GALC: variants seen among roughly 807,000 people sequenced by gnomAD.
GALC encodes galactocerebrosidase.
In GALC, 77 loss-of-function variants were observed where a neutral mutation model predicts 91.8. The observed-to-expected ratio is 0.84, with a 90% confidence interval of 0.70 to 1.01. GALC has a LOEUF of 1.01. Ranked by LOEUF, GALC falls within the 50% of genes least tolerant of loss-of-function variation. The pLI, the probability that GALC is intolerant of heterozygous loss-of-function variation, is 0.00. For missense variants in GALC, 882 were observed against 855.9 expected (o/e 1.03, Z -0.38); for synonymous variants, 357 against 306.7 (o/e 1.16, Z -1.71).
At chr14:87,958,695 G>A (rs1400713791) in intron 10 of GALC, among the ~76,000 whole-genome samples, 1 of 152,016 alleles carries the variant, frequency 6.6e-6, no homozygotes, top group African/African-American at 2.4e-5. Context: ...ATAAATTCAT[G>A]CCCTATGACC....
intron 10 of GALC, among the ~76,000 whole-genome samples, chr14:87,962,200 C>T (rs450711): frequency 0.22 from 32,733 of 152,064 alleles, 4,528 homozygotes; most frequent in Non-Finnish European, 0.3. Context: ...CAACTATCGC[C>T]AGCTCTGACA....
Position 87,945,708 on chromosome 14 carries a change from T to C in GALC, c.1515A>G (p.Pro505=), listed in dbSNP as rs1298174692. 1 of 1,611,808 alleles carries C rather than the reference T, an allele frequency of 6.2e-7. No individual in the cohort carries two copies. The highest frequency in any genetic ancestry group is 8.5e-7 in the Non-Finnish European group (1 of 1,178,764). The stretch of plus-strand genomic sequence containing the variant: ...ATACACCAGTTTGATCAGCAAAGTT[T>C]GGAGCTTCACTAAAAAATGGGTAAT... The part of the protein sequence containing the change: ...NVDYPFFSEA[P]NFADQTGVFE... Residue 505 remains proline (P), a synonymous_variant, in exon 14 of 17, where the codon CCA becomes CCG. Coordinates refer to ENST00000261304, the MANE Select transcript of GALC (RefSeq NM_000153.4).
At chr14:87,978,209 G>T (rs1886586686) in intron 6 of GALC, among the ~76,000 whole-genome samples, 2 of 152,098 alleles carry the variant, frequency 1.3e-5, no homozygotes, top group South Asian at 4.1e-4. Context: ...GTGGCACCAT[G>T]CCTGGCTAAT....
intron 15 of GALC, 78 bp from the exon 16 acceptor site, chr14:87,940,059 T>TCGAG: frequency 2.6e-6 from 3 of 1,155,422 alleles, no homozygotes; most frequent in Non-Finnish European, 2.6e-6. Flanking sequence ...AGTGGGGTTC[T>TCGAG]TGAGTGGCAT....
intron 7 of GALC, among the ~76,000 whole-genome samples, chr14:87,974,415 A>G (rs979948850): frequency 8.5e-5 from 13 of 152,178 alleles, no homozygotes; most frequent in Non-Finnish European, 1.2e-4. Flanking sequence ...CAGTATTTAC[A>G]TACCAAATAA....
At chr14:87,986,954 T>G in intron 3 of GALC, 1 of 440,428 alleles carries the variant, frequency 2.3e-6, no homozygotes, top group South Asian at 1.7e-5. Flanking sequence ...ATGTCCAACT[T>G]TAAGTTCTGA....
At chr14:87,977,033 G>C (rs780766308) in intron 6 of GALC, among the ~76,000 whole-genome samples, 17 of 44,544 alleles carry the variant, frequency 3.8e-4, no homozygotes, top group South Asian at 2.2e-3. Context: ...ATAGAAATAT[G>C]GGGGGGGGGG....
intron 1 of GALC, among the ~76,000 whole-genome samples, chr14:87,991,036 G>C (rs1887176612): frequency 6.6e-6 from 1 of 152,132 alleles, no homozygotes; most frequent in Non-Finnish European, 1.5e-5. Context: ...CTACCATGCA[G>C]GTATAACTGT....
intron 9 of GALC, 50 bp from the exon 10 acceptor site, chr14:87,963,561 A>C (rs373749844): frequency 2.7e-5 from 40 of 1,508,090 alleles, no homozygotes; most frequent in Non-Finnish European, 3.7e-5. Context: ...TAATAATAGT[A>C]TTTCTTTTGG....
At chr14:87,971,337 AG>A (rs1886284712) in intron 7 of GALC, among the ~76,000 whole-genome samples, 1 of 152,230 alleles carries the variant, frequency 6.6e-6, no homozygotes, top group Non-Finnish European at 1.5e-5. Flanking sequence ...AGACCAACTC[AG>A]GAAGATGGGA....
In GALC at chr14:87,950,717, A is replaced by C; in HGVS notation, c.1193T>G (p.Phe398Cys). The part of the protein sequence containing the change: ...SHKHSKCIRP[F>C]LPYFNVSQQF... ...TTGTGACACATTGAAATAAGGAAGA[A>C]ATGGCCGTATGCACTTAGAATGTTT... The change falls in exon 11 of 17, where the codon TTT becomes TGT. Residue 398 changes from phenylalanine to cysteine, a missense_variant. By Grantham distance (205) the Phe-to-Cys change is radical. Coordinates refer to ENST00000261304, the MANE Select transcript of GALC (RefSeq NM_000153.4). 1 of 1,606,786 alleles carries C rather than the reference A, an allele frequency of 6.2e-7. No individual in the cohort carries two copies. Among genetic ancestry groups the C allele is most frequent in the Non-Finnish European group, 8.5e-7 (1 of 1,175,740 alleles).
At chr14:87,977,288 A>C (rs1886540720) in intron 6 of GALC, among the ~76,000 whole-genome samples, 1 of 152,216 alleles carries the variant, frequency 6.6e-6, no homozygotes, top group African/African-American at 2.4e-5. Context: ...CAAAAATTAA[A>C]AGTAACAAGC....
chr14:87,948,747 A>G (rs1222688763), intron 12 of GALC, among the ~76,000 whole-genome samples: 2 of 152,054 alleles, frequency 1.3e-5, no homozygotes, highest in Non-Finnish European at 2.9e-5. Context: ...AGGAAAATCA[A>G]TTTTATTATG....
intron 7 of GALC, 30 bp downstream of exon 7, chr14:87,976,328 T>A (rs757021752): frequency 1.1e-5 from 17 of 1,612,558 alleles, no homozygotes; most frequent in Non-Finnish European, 1.4e-5. Flanking sequence ...AATCAGAAAC[T>A]GCTAGTTTTC....
At chr14:87,953,750 T>C in intron 10 of GALC, 1 of 1,604,832 alleles carries the variant, frequency 6.2e-7, no homozygotes, top group Non-Finnish European at 8.5e-7. Flanking sequence ...CAGAGGAATG[T>C]GTCTGAATTT....
At position 87,963,488 on chromosome 14, in the gene GALC, G is replaced by T. The variant is rs779477628; in HGVS notation, c.1057C>A (p.Pro353Thr). The T allele has an allele frequency of 1.2e-6, 2 of 1,612,550 alleles. No homozygotes were observed. The highest frequency in any genetic ancestry group is 1.7e-6 in the Non-Finnish European group (2 of 1,178,952). The change falls in exon 10 of 17, where the codon CCT becomes ACT. Residue 353 changes from proline (P) to threonine (T), a missense_variant. Pro to Thr is a conservative substitution (Grantham distance 38). Transcript: ENST00000261304. ...VSAHTTQFTQ[P>T]GWYYLKTVGH... is the part of the protein sequence containing the mutation. ...ACTGTCTTCAGGTAATACCAGCCAGGTTGAGTAAACTGAGTGGTATGAGCT... is the reference window on the plus strand; with the variant it reads ...ACTGTCTTCAGGTAATACCAGCCAGTTTGAGTAAACTGAGTGGTATGAGCT...
intron 16 of GALC, 94 bp from the exon 17 acceptor site, chr14:87,934,972 C>A (rs1335135928): frequency 2.3e-6 from 2 of 863,946 alleles, no homozygotes; most frequent in African/African-American, 1.7e-5. Flanking sequence ...CTTAGTGGAG[C>A]AAATGTACTA....
chr14:87,975,523 G>T (rs1886458377), intron 7 of GALC, among the ~76,000 whole-genome samples: 1 of 152,038 alleles, frequency 6.6e-6, no homozygotes, highest in Non-Finnish European at 1.5e-5. Context: ...AATAATGTCT[G>T]GGATTTCTTT....
At chr14:87,940,622 G>GT (rs1444171358) in intron 15 of GALC, among the ~76,000 whole-genome samples, 1 of 151,870 alleles carries the variant, frequency 6.6e-6, no homozygotes, top group Non-Finnish European at 1.5e-5. Context: ...GTTCAGATTG[G>GT]TAATGCTATG....
Sources: allele counts gnomAD v4.1 joint callset (sites outside exome capture counted in the v4.1 genomes callset), GRCh38; gene constraint gnomAD v4.1.1; transcripts MANE v1.5; gene names NCBI Gene and HGNC (gene_info 2026-07-23, HGNC 2026-07-21).